The following TOR3A variants were observed in gnomAD, a reference collection of about 807,000 sequenced individuals.
The protein encoded by TOR3A is torsin family 3 member A, also known as torsin-3A.
A neutral mutation model predicts 42.1 loss-of-function variants in TOR3A; 44 were observed. The ratio of observed to expected loss-of-function variants is 1.04; its 90% confidence interval spans 0.82 to 1.34. The LOEUF (loss-of-function observed/expected upper bound fraction) is 1.34. TOR3A is among the 40% of genes most tolerant of loss of function. TOR3A has a pLI of 0.00. For missense variants in TOR3A, 521 were observed against 507.6 expected, an observed-to-expected ratio of 1.03 and a Z score of -0.25; for synonymous variants, 227 against 213.2, an observed-to-expected ratio of 1.06 and a Z score of -0.57.
At chr1:179,085,528 CGA>C in intron 2 of TOR3A, 98 bp from the exon 3 acceptor site, 3 of 1,471,584 alleles carry the variant, frequency 2.0e-6, no homozygotes, top group East Asian at 2.3e-5. Context: ...TGATTCCACC[CGA>C]GAGAGATTCA....
chr1:179,082,126 G>T lies in TOR3A; in HGVS notation c.-3G>T. ...CGGATGGTCCCGCAGCTCGGGGCCGGCCATGCTTCGCGGTCCGTGGCGCCA... is the reference window on the plus strand; with the variant it reads ...CGGATGGTCCCGCAGCTCGGGGCCGTCCATGCTTCGCGGTCCGTGGCGCCA... On this transcript the variant is annotated 5_prime_UTR_variant, in exon 1 of 6. Coordinates refer to ENST00000367627, the MANE Select transcript of TOR3A (RefSeq NM_022371.4). 2.7e-6 allele frequency: 4 copies of T among 1,490,676 alleles called. No homozygotes were observed. The South Asian group carries it at 3.9e-5, about 15-fold the overall frequency. The allele number at this position is 1,490,676 out of a possible 1,614,324, so 92.3% of individuals were successfully genotyped here. A position where few individuals can be genotyped will look rare whatever the true frequency, so the allele number is the denominator to read the frequency against.
intron 2 of TOR3A, among the ~76,000 whole-genome samples, chr1:179,084,284 T>C (rs1035788392): frequency 2.0e-5 from 3 of 152,226 alleles, no homozygotes; most frequent in Non-Finnish European, 4.4e-5. Context: ...TCACCTAGGC[T>C]GGAGCAATCT....
At position 179,082,328 on chromosome 1, in the gene TOR3A, G is replaced by C; in HGVS notation, c.200G>C (p.Ser67Thr). ...ALSKRYWTLF[S>T]CQVWPDDCDE... ...TCCAAGCGGTACTGGACGCTCTTCA[G>C]CTGCCAGGTGTGGCCCGACGACTGT... is the stretch of plus-strand genomic sequence containing the variant. The change falls in exon 1 of 6, where the codon AGC becomes ACC. Residue 67 changes from serine (S) to threonine (T), a missense_variant. Ser to Thr is a moderately conservative substitution (Grantham distance 58, BLOSUM62 1). Transcript: ENST00000367627. 1.9e-6 allele frequency: 3 copies of C among 1,604,910 alleles called. No individual in the cohort carries two copies. The highest frequency in any genetic ancestry group is 2.5e-6 in the Non-Finnish European group (3 of 1,177,360).
chr1:179,082,817 C>A, intron 1 of TOR3A, 123 bp from the exon 2 acceptor site: 1 of 753,946 alleles, frequency 1.3e-6, no homozygotes, highest in Non-Finnish European at 2.3e-6. Context: ...CGAGTCGGGG[C>A]TGGGAGTTAG....
chr1:179,092,839 C>G (rs1476768931), intron 4 of TOR3A, among the ~76,000 whole-genome samples: 2 of 147,828 alleles, frequency 1.4e-5, no homozygotes, highest in Non-Finnish European at 3.0e-5. Flanking sequence ...GAAACTCTGT[C>G]TCAAGAAAAA....
rs1176836658 is a variant in TOR3A at position 179,082,310 on chromosome 1, G to A, written c.182G>A (p.Arg61Gln). Residue 61 changes from arginine (R) to glutamine (Q), a missense_variant, in exon 1 of 6, where the codon CGG becomes CAG. Arg to Gln is a conservative substitution (Grantham distance 43, BLOSUM62 1). Transcript: ENST00000367627. ...QLRAAGALSK[R>Q]YWTLFSCQVW... ...AGGGCGGCGGGTGCCCTCTCCAAGC[G>A]GTACTGGACGCTCTTCAGCTGCCAG... The A allele has an allele frequency of 3.1e-6, 5 of 1,594,524 alleles. No homozygotes were observed. The highest frequency in any genetic ancestry group is 4.3e-6 in the Non-Finnish European group (5 of 1,173,864).
Position 179,094,110 on chromosome 1 carries a change from T to C in TOR3A, c.836T>C (p.Ile279Thr). The C allele has an allele frequency of 1.2e-6, 2 of 1,613,836 alleles. No individual in the cohort carries two copies. The highest frequency in any genetic ancestry group is 1.7e-6 in the Non-Finnish European group (2 of 1,179,876). The change falls in exon 5 of 6, where the codon ATA becomes ACA. Residue 279 changes from isoleucine to threonine, a missense_variant. Ile to Thr is a moderately conservative substitution (Grantham distance 89). Transcript: ENST00000367627. ...FLFLSNLRGD[I>T]INEVVLKLLK... ...TCTTTCAGTAATCTCAGGGGCGATA[T>C]AATCAATGAGGTGGTCCTAAAGTTG...
At chr1:179,091,446 G>A (rs538498721) in intron 4 of TOR3A, among the ~76,000 whole-genome samples, 1 of 152,298 alleles carries the variant, frequency 6.6e-6, no homozygotes, top group African/African-American at 2.4e-5. Flanking sequence ...GTCAGTGGGT[G>A]AGATTAAAGC....
chr1:179,095,521 G>GT lies in TOR3A; in HGVS notation c.*305dup, dbSNP rs1184870870. Reference sequence around the variant, plus strand: ...GACACGCATTCCAAAGTGGAATGTGGTTGAAGAAAGTGGGCCAGGTGGTTG... The same window carrying GT: ...GACACGCATTCCAAAGTGGAATGTGGTTTGAAGAAAGTGGGCCAGGTGGTTG... On this transcript the variant is annotated 3_prime_UTR_variant, in exon 6 of 6. Transcript: ENST00000367627. 6 of 1,210,930 alleles carry GT rather than the reference G, an allele frequency of 5.0e-6. No individual in the cohort carries two copies. Among genetic ancestry groups the GT allele is most frequent in the Non-Finnish European group, 6.2e-6 (6 of 973,172 alleles). The allele number at this position is 1,210,930 out of a possible 1,614,324, so 75.0% of individuals were successfully genotyped here.
At chr1:179,083,388 CCTTT>C in intron 2 of TOR3A, among the ~76,000 whole-genome samples, 1 of 146,330 alleles carries the variant, frequency 6.8e-6, no homozygotes, top group South Asian at 2.2e-4. Flanking sequence ...TAAAAGTGTC[CCTTT>C]CTTTTCTTTT....
chr1:179,095,412 T>TACA lies in TOR3A; in HGVS notation c.*194_*195insACA. The TACA allele has an allele frequency of 2.8e-6, 4 of 1,427,094 alleles. No homozygotes were observed. Among genetic ancestry groups the TACA allele is most frequent in the East Asian group, 2.5e-5 (1 of 40,314 alleles). 88.4% of individuals were successfully genotyped at this position (1,427,094 alleles called of 1,614,324 possible). On this transcript the variant is annotated 3_prime_UTR_variant, in exon 6 of 6. Coordinates refer to ENST00000367627, the MANE Select transcript of TOR3A (RefSeq NM_022371.4). ...CCAAGCCAATCCTTTTTCTTTTTTT[T>TACA]GGAGGTCCCACCGAGATAGATAGGA...
At position 179,095,416 on chromosome 1, in the gene TOR3A, GGT is replaced by G; in HGVS notation, c.*199_*200del. 1.0e-5 allele frequency: 14 copies of G among 1,401,600 alleles called. No homozygotes were observed. The highest frequency in any genetic ancestry group is 5.1e-5 in the South Asian group (3 of 59,032). 86.8% of individuals were successfully genotyped at this position (1,401,600 alleles called of 1,614,324 possible). A position where few individuals can be genotyped will look rare whatever the true frequency, so the allele number is the denominator to read the frequency against. On this transcript the variant is annotated 3_prime_UTR_variant, in exon 6 of 6. Coordinates refer to ENST00000367627, the MANE Select transcript of TOR3A (RefSeq NM_022371.4). ...GCCAATCCTTTTTCTTTTTTTTGGAGGTCCCACCGAGATAGATAGGAACTTGG... is the reference window on the plus strand; with the variant it reads ...GCCAATCCTTTTTCTTTTTTTTGGAGCCCACCGAGATAGATAGGAACTTGG...
Position 179,095,381 on chromosome 1 carries a change from T to C in TOR3A, c.*163T>C. On this transcript the variant is annotated 3_prime_UTR_variant, in exon 6 of 6. Coordinates refer to ENST00000367627, the MANE Select transcript of TOR3A (RefSeq NM_022371.4). ...GGTGTGTAAAAGGCAGGCCTTACAT[T>C]AGAAGCCAAGCCAATCCTTTTTCTT... is the stretch of plus-strand genomic sequence containing the variant. 2 of 1,477,702 alleles carry C rather than the reference T, an allele frequency of 1.4e-6. No individual in the cohort carries two copies. The highest frequency in any genetic ancestry group is 2.3e-5 in the East Asian group (1 of 43,070). The allele number at this position is 1,477,702 out of a possible 1,614,324, so 91.5% of individuals were successfully genotyped here. A position where few individuals can be genotyped will look rare whatever the true frequency, so the allele number is the denominator to read the frequency against.
chr1:179,082,442 G>C (rs1360182664), intron 1 of TOR3A, 55 bp downstream of exon 1: 4 of 1,546,316 alleles, frequency 2.6e-6, no homozygotes, highest in Non-Finnish European at 3.5e-6. Context: ...TGCGATCCGG[G>C]CGCGGCTGTG....
intron 4 of TOR3A, among the ~76,000 whole-genome samples, chr1:179,090,500 A>AAACT (rs1652552397): frequency 1.3e-5 from 2 of 152,282 alleles, no homozygotes; most frequent in South Asian, 4.1e-4. Flanking sequence ...CAGCTGATTC[A>AAACT]AACTGCTAGA....
Position 179,094,129 on chromosome 1 carries a change from A to G in TOR3A, c.855A>G (p.Leu285=), listed in dbSNP as rs748675408. The change falls in exon 5 of 6, where the codon CTA becomes CTG. Residue 285 remains leucine (L), a synonymous_variant. Transcript: ENST00000367627. ...LRGDIINEVV[L]KLLKAGWSRE... ...GCGATATAATCAATGAGGTGGTCCT[A>G]AAGTTGCTCAAGGCTGGATGGTCCC... 6.2e-6 allele frequency: 10 copies of G among 1,613,960 alleles called. No individual in the cohort carries two copies. In the East Asian group the frequency reaches 6.7e-5, roughly 11 times the overall value.
At chr1:179,092,245 C>T (rs1652610251) in intron 4 of TOR3A, among the ~76,000 whole-genome samples, 1 of 152,196 alleles carries the variant, frequency 6.6e-6, no homozygotes, top group Non-Finnish European at 1.5e-5. Flanking sequence ...CCCCATGGAG[C>T]CTAGTCAACA....
At chr1:179,093,947 G>C (rs1399648005) in intron 4 of TOR3A, 146 bp from the exon 5 acceptor site, 4 of 1,037,134 alleles carry the variant, frequency 3.9e-6, no homozygotes, top group Non-Finnish European at 5.5e-6. Context: ...TTGTGAGGTT[G>C]TGACAAGGTC....
chr1:179,095,326 C>T lies in TOR3A; in HGVS notation c.*108C>T, dbSNP rs1383464552. 6.5e-7 allele frequency: 1 copy of T among 1,536,612 alleles called. No individual in the cohort carries two copies. Among genetic ancestry groups the T allele is most frequent in the Non-Finnish European group, 8.7e-7 (1 of 1,148,080 alleles). On this transcript the variant is annotated 3_prime_UTR_variant, in exon 6 of 6. Coordinates refer to ENST00000367627, the MANE Select transcript of TOR3A (RefSeq NM_022371.4). ...TGAGGTGTTTGAGGGTGTGGACTGGCATCCAGCAGCCACTAACAAACACAC... is the reference window on the plus strand; with the variant it reads ...TGAGGTGTTTGAGGGTGTGGACTGGTATCCAGCAGCCACTAACAAACACAC...
Sources: allele counts gnomAD v4.1 joint callset (sites outside exome capture counted in the v4.1 genomes callset), GRCh38; gene constraint gnomAD v4.1.1; transcripts MANE v1.5; gene names NCBI Gene and HGNC (gene_info 2026-07-23, HGNC 2026-07-21).